RRP12: variants seen among roughly 807,000 people sequenced by gnomAD.
RRP12 encodes ribosomal RNA processing 12 homolog.
A neutral mutation model predicts 157.3 loss-of-function variants in RRP12; 78 were observed. The ratio of observed to expected loss-of-function variants is 0.50; its 90% confidence interval spans 0.41 to 0.60. RRP12 has a LOEUF of 0.60. Ranked by LOEUF, RRP12 falls within the 20% of genes least tolerant of loss-of-function variation. The pLI is 0.00. For synonymous variants in RRP12, 726 were observed against 670.9 expected (o/e 1.08, Z -1.27); for missense variants, 1,521 against 1,679.9 (o/e 0.91, Z 1.65).
At chr10:97,377,936 A>C (rs1184299637) in intron 15 of RRP12, among the ~76,000 whole-genome samples, 1 of 152,208 alleles carries the variant, frequency 6.6e-6, no homozygotes, top group African/African-American at 2.4e-5. Context: ...TACATCCTCA[A>C]AATCCACAAA....
At chr10:97,387,480 C>T (rs1042010281) in intron 8 of RRP12, among the ~76,000 whole-genome samples, 2 of 151,782 alleles carry the variant, frequency 1.3e-5, no homozygotes, top group East Asian at 1.9e-4. Flanking sequence ...ATTATAGGCG[C>T]GTGCAGCCAT....
At chr10:97,362,893 C>T (rs976436160) in intron 30 of RRP12, among the ~76,000 whole-genome samples, 1 of 152,176 alleles carries the variant, frequency 6.6e-6, no homozygotes, top group African/African-American at 2.4e-5. Flanking sequence ...AAACATGACG[C>T]CAATGAAAAC....
intron 2 of RRP12, among the ~76,000 whole-genome samples, chr10:97,400,068 TGAG>T (rs1199813061): frequency 6.6e-6 from 1 of 152,228 alleles, no homozygotes; most frequent in East Asian, 1.9e-4. Context: ...TAGGTATAGC[TGAG>T]GAGAGAAATG....
In RRP12 at chr10:97,401,183, G is replaced by T; in HGVS notation, c.49C>A (p.Arg17Ser). The T allele has an allele frequency of 6.2e-7, 1 of 1,614,168 alleles. No individual in the cohort carries two copies. Among genetic ancestry groups the T allele is most frequent in the African/African-American group, 1.3e-5 (1 of 75,060 alleles). The change falls in exon 1 of 34, where the codon CGC becomes AGC. Residue 17 changes from arginine (R) to serine (S), a missense_variant. By Grantham distance (110) the Arg-to-Ser change is moderately radical (BLOSUM62 -1). Transcript: ENST00000370992. ...LPSGVSAKLK[R>S]WKKGHSSDSN... ...TCGCTGCTGTGGCCTTTCTTCCAGCGCTTCAACTTAGCTGAGACACCAGAA... is the reference window on the plus strand; with the variant it reads ...TCGCTGCTGTGGCCTTTCTTCCAGCTCTTCAACTTAGCTGAGACACCAGAA...
In RRP12 at chr10:97,366,177, C is replaced by T. The variant is rs145157369; in HGVS notation, c.3448G>A (p.Ala1150Thr). 436 of 1,610,382 alleles carry T rather than the reference C, an allele frequency of 2.7e-4. No individual in the cohort carries two copies. The highest frequency in any genetic ancestry group is 3.5e-4 in the Non-Finnish European group (411 of 1,179,956). The change falls in exon 29 of 34, where the codon GCC becomes ACC. Residue 1150 changes from alanine to threonine, a missense_variant. By Grantham distance (58) the Ala-to-Thr change is moderately conservative. Transcript: ENST00000370992. ...RKKDHGFKVS[A>T]DGRLIIREEA... ...TCCCTTATGATCAGCCGGCCATCGG[C>T]GCTCACCTTGAAGCCGTGGTCCTTC...
chr10:97,373,057 T>C lies in RRP12; in HGVS notation c.2170A>G (p.Thr724Ala), dbSNP rs202013304. The C allele has an allele frequency of 6.2e-7, 1 of 1,612,048 alleles. No homozygotes were observed. The highest frequency in any genetic ancestry group is 2.2e-5 in the East Asian group (1 of 44,840). The change falls in exon 18 of 34, where the codon ACT becomes GCT. Residue 724 changes from threonine to alanine, a missense_variant. By Grantham distance (58) the Thr-to-Ala change is moderately conservative. Transcript: ENST00000370992. ...LETIRTYLTI[T>A]DTQLVNSLLE... ...CTTCCGTGGCTCACCTGAGTGTCAG[T>C]GATGGTGAGGTAAGTTCTGATGGTT...
At position 97,380,867 on chromosome 10, in the gene RRP12, A is replaced by T; in HGVS notation, c.1465T>A (p.Ser489Thr). 1 of 1,614,120 alleles carries T rather than the reference A, an allele frequency of 6.2e-7. No individual in the cohort carries two copies. Among genetic ancestry groups the T allele is most frequent in the Non-Finnish European group, 8.5e-7 (1 of 1,180,010 alleles). ...LTYKFHAAWS[S>T]VLQLLCVFFE... ...AAGACACACAGCAGCTGCAACACGG[A>T]GCTCCAGGCCGCATGGAATTTGTAC... Residue 489 changes from serine (S) to threonine (T), a missense_variant, in exon 13 of 34, where the codon TCC becomes ACC. Physicochemically the swap from Ser to Thr is moderately conservative, Grantham distance 58. Transcript: ENST00000370992.
In RRP12 at chr10:97,380,376, C is replaced by T. The variant is rs930231748; in HGVS notation, c.1533+423G>A. Among the ~76,000 whole-genome samples the T allele has an allele frequency of 3.9e-5, 6 of 152,338 alleles. 1 individual carries two copies. The highest frequency in any genetic ancestry group is 3.9e-4 in the Admixed American group (6 of 15,302). On this transcript the variant is annotated intron_variant, in intron 13 of 33. Transcript: ENST00000370992. ...CCACTCTCTCCTGGACTACGGTCTG[C>T]TCAGGATCCCTGAGTGATCCCTGAT...
At position 97,361,968 on chromosome 10, in the gene RRP12, G is replaced by A. The variant is rs189038724; in HGVS notation, c.3568-1350C>T. Among the ~76,000 whole-genome samples, 3 of 152,216 alleles carry A rather than the reference G, an allele frequency of 2.0e-5. No homozygotes were observed. In the East Asian group the frequency reaches 5.8e-4, roughly 29 times the overall value. ...CTAAAAATACAAAAATTAGCTGGGCGTGGTAGCATGCACCTGTAATCCCAG... is the reference window on the plus strand; with the variant it reads ...CTAAAAATACAAAAATTAGCTGGGCATGGTAGCATGCACCTGTAATCCCAG... On this transcript the variant is annotated intron_variant, in intron 30 of 33. Transcript: ENST00000370992.
intron 2 of RRP12, among the ~76,000 whole-genome samples, chr10:97,397,237 C>T (rs7896100): frequency 0.38 from 57,232 of 151,734 alleles, 11,206 homozygotes; most frequent in African/African-American, 0.49. Flanking sequence ...CTCTGCTAAC[C>T]GCAGCTTCCA....
intron 31 of RRP12, 65 bp from the exon 32 acceptor site, chr10:97,359,075 G>A: frequency 1.6e-6 from 2 of 1,260,416 alleles, no homozygotes; most frequent in Non-Finnish European, 2.3e-6. Flanking sequence ...GAAAGGCAAT[G>A]GGCACCCTCT....
chr10:97,372,371 C>T (rs1007578648), intron 19 of RRP12, among the ~76,000 whole-genome samples: 2 of 152,206 alleles, frequency 1.3e-5, no homozygotes, highest in African/African-American at 2.4e-5. Flanking sequence ...TGTTTTACAC[C>T]TGCTAACTCC....
At position 97,379,394 on chromosome 10, in the gene RRP12, C is replaced by A. The variant is rs764584638; in HGVS notation, c.1697G>T (p.Arg566Leu). The change falls in exon 15 of 34, where the codon CGG becomes CTG. Residue 566 changes from arginine to leucine, a missense_variant. Transcript: ENST00000370992. ...DGSEETLDFP[R>L]SWLLPVIRDH... ...TCGGATGACAGGCAGCAGCCAGCTC[C>A]GTGGGAAATCCAGAGTCTCCCTGGG... is the stretch of plus-strand genomic sequence containing the variant. 1 of 1,614,076 alleles carries A rather than the reference C, an allele frequency of 6.2e-7. No homozygotes were observed. The highest frequency in any genetic ancestry group is 8.5e-7 in the Non-Finnish European group (1 of 1,180,012).
chr10:97,391,661 C>T (rs1414082992), intron 4 of RRP12, among the ~76,000 whole-genome samples: 1 of 152,154 alleles, frequency 6.6e-6, no homozygotes, highest in Non-Finnish European at 1.5e-5. Context: ...GTGGCTCACG[C>T]CTGTAATCCC....
chr10:97,392,695 AT>A (rs112790671), intron 4 of RRP12, among the ~76,000 whole-genome samples: 67 of 144,256 alleles, frequency 4.6e-4, no homozygotes, highest in Admixed American at 4.2e-4. Flanking sequence ...TTTTCTTTCT[AT>A]TTTTTTTTTT....
Position 97,396,297 on chromosome 10 carries a change from C to T in RRP12, c.374G>A (p.Cys125Tyr). Residue 125 changes from cysteine to tyrosine, a missense_variant, in exon 3 of 34, where the codon TGT (cysteine) becomes TAT (tyrosine). Transcript: ENST00000370992. The part of the protein sequence containing the change: ...ESNSAAHKEI[C>Y]AVLAAVTEVI... ...CTCAGTGACAGCAGCCAGAACAGCA[C>T]AGATCTGCACAGGAGGGAGAAAGCA... is the stretch of plus-strand genomic sequence containing the variant. The T allele has an allele frequency of 6.2e-7, 1 of 1,613,362 alleles. No individual in the cohort carries two copies. Among genetic ancestry groups the T allele is most frequent in the Non-Finnish European group, 8.5e-7 (1 of 1,179,390 alleles).
At chr10:97,366,001 C>T (rs1169099144) in intron 29 of RRP12, 107 bp downstream of exon 29, 27 of 1,452,996 alleles carry the variant, frequency 1.9e-5, no homozygotes, top group African/African-American at 2.8e-5. Flanking sequence ...AGGAAGCTGC[C>T]GAGAGAAGAG....
intron 30 of RRP12, among the ~76,000 whole-genome samples, chr10:97,361,657 G>T (rs1279603919): frequency 1.3e-5 from 2 of 152,190 alleles, no homozygotes; most frequent in African/African-American, 4.8e-5. Context: ...GGAGAAACAG[G>T]AACCGGGAGG....
At position 97,366,136 on chromosome 10, in the gene RRP12, GT is replaced by G; in HGVS notation, c.3488del (p.Asn1163ThrfsTer23). ...RLIIREEADG[N>X]KMEEEEGAKG... is the part of the protein sequence containing the mutation. The stretch of plus-strand genomic sequence containing the variant: ...TGGCACCTTCCTCTTCCTCCATCTT[GT>G]TGCCGTCTGCCTCCTCCCTTATGAT... On this transcript the variant is annotated frameshift_variant, in exon 29 of 34. Coordinates refer to ENST00000370992, the MANE Select transcript of RRP12 (RefSeq NM_015179.4). LOFTEE classifies it high-confidence loss of function. 6.2e-7 allele frequency: 1 copy of G among 1,605,936 alleles called. No homozygotes were observed. Among genetic ancestry groups the G allele is most frequent in the South Asian group, 1.1e-5 (1 of 91,046 alleles).
Sources: gnomAD v4.1 joint callset for allele counts (sites outside exome capture counted in the v4.1 genomes callset) on GRCh38, gnomAD v4.1.1 for gene constraint, MANE v1.5 for transcripts, NCBI Gene and HGNC (gene_info 2026-07-23, HGNC 2026-07-21) for gene names.